Variants in CCR4 observed in about 807,000 individuals in gnomAD.
The protein encoded by CCR4 is C-C chemokine receptor type 4.
Under a neutral mutation model 17.1 loss-of-function variants are expected in CCR4, and 9 were observed. That is an observed-to-expected ratio of 0.53 (90% CI 0.32 to 0.92). The LOEUF is 0.92. Ranked by LOEUF, CCR4 falls within the 40% of genes least tolerant of loss-of-function variation. The probability of loss-of-function intolerance (pLI) is 0.04; values close to 1 mark genes in which losing one functional copy is unlikely to be tolerated. For synonymous variants in CCR4, 217 were observed against 174.3 expected (o/e 1.24, Z -1.93); for missense variants, 385 against 433.9 (o/e 0.89, Z 1.00).
At chr3:32,952,910 T>C (rs1447939329) in intron 1 of CCR4, among the ~76,000 whole-genome samples, 2 of 152,196 alleles carry the variant, frequency 1.3e-5, no homozygotes, top group African/African-American at 2.4e-5. Flanking sequence ...CCCACTCTAA[T>C]AGGATTCTGT....
In CCR4 at chr3:32,953,918, G is replaced by C; in HGVS notation, c.496G>C (p.Val166Leu). 2 of 1,614,098 alleles carry C rather than the reference G, an allele frequency of 1.2e-6. No homozygotes were observed. The highest frequency in any genetic ancestry group is 1.7e-6 in the Non-Finnish European group (2 of 1,180,028). The change falls in exon 2 of 2, where the codon GTG becomes CTG. Residue 166 changes from valine to leucine, a missense_variant. Physicochemically the swap from Val to Leu is conservative, Grantham distance 32. Coordinates refer to ENST00000330953, the MANE Select transcript of CCR4 (RefSeq NM_005508.5). ...CAGTTTGGCTACATGGTCAGTGGCT[G>C]TGTTCGCCTCCCTTCCTGGCTTTCT... ...ITSLATWSVA[V>L]FASLPGFLFS...
In CCR4 at chr3:32,954,691, G is replaced by T. The variant is rs139563771; in HGVS notation, c.*186G>T. On this transcript the variant is annotated 3_prime_UTR_variant, in exon 2 of 2. Transcript: ENST00000330953. Reference sequence around the variant, plus strand: ...ACTAGACAAGTCCAGCCTGGCAAGGGTTCACCTGGGCTGAGGCATCCTTCC... The same window carrying T: ...ACTAGACAAGTCCAGCCTGGCAAGGTTTCACCTGGGCTGAGGCATCCTTCC... The T allele has an allele frequency of 6.8e-6, 4 of 591,528 alleles. No individual in the cohort carries two copies. In the East Asian group the frequency reaches 1.2e-4, roughly 18 times the overall value. The allele number at this position is 591,528 out of a possible 1,614,324, so 36.6% of individuals were successfully genotyped here. A position where few individuals can be genotyped will look rare whatever the true frequency, so the allele number is the denominator to read the frequency against.
chr3:32,954,490 C>A lies in CCR4; in HGVS notation c.1068C>A (p.Leu356=). The change falls in exon 2 of 2, where the codon CTC becomes CTA. Residue 356 remains leucine, a synonymous_variant. Coordinates refer to ENST00000330953, the MANE Select transcript of CCR4 (RefSeq NM_005508.5). ...SYTQSTMDHD[L]HDAL ...CGCAGTCCACCATGGATCATGATCT[C>A]CATGATGCTCTGTAGAAAAATGAAA... 1 of 1,526,828 alleles carries A rather than the reference C, an allele frequency of 6.5e-7. No individual in the cohort carries two copies. The highest frequency in any genetic ancestry group is 8.8e-7 in the Non-Finnish European group (1 of 1,141,090). The allele number at this position is 1,526,828 out of a possible 1,614,324, so 94.6% of individuals were successfully genotyped here.
intron 1 of CCR4, 75 bp downstream of exon 1, chr3:32,951,765 C>A (rs1024544192): frequency 1.3e-5 from 2 of 152,512 alleles, no homozygotes; most frequent in African/African-American, 2.4e-5. Context: ...ATGCTCAGGC[C>A]CCTCACGAGT....
chr3:32,955,916 T>A lies in CCR4; in HGVS notation c.*1411T>A, dbSNP rs1695717970. 1 of 151,700 alleles carries A rather than the reference T, an allele frequency of 6.6e-6. No homozygotes were observed. The highest frequency in any genetic ancestry group is 1.5e-5 in the Non-Finnish European group (1 of 67,930). The allele number at this position is 151,700 out of a possible 1,614,324, so 9.4% of individuals were successfully genotyped here. A position where few individuals can be genotyped will look rare whatever the true frequency, so the allele number is the denominator to read the frequency against. On this transcript the variant is annotated 3_prime_UTR_variant, in exon 2 of 2. Coordinates refer to ENST00000330953, the MANE Select transcript of CCR4 (RefSeq NM_005508.5). The stretch of plus-strand genomic sequence containing the variant: ...GAGCCATCACGCCCGGCCACTTGTT[T>A]ATTTTTTATTTTATTTTATTTTATT...
rs761144809 is a variant in CCR4, at chr3:32,954,167, G to A, written c.745G>A (p.Val249Ile). Residue 249 changes from valine to isoleucine, a missense_variant, in exon 2 of 2, where the codon GTC (valine) becomes ATC (isoleucine). By Grantham distance (29) the Val-to-Ile change is conservative (BLOSUM62 3). Coordinates refer to ENST00000330953, the MANE Select transcript of CCR4 (RefSeq NM_005508.5). ...KAVKMIFAVV[V>I]LFLGFWTPYN... Reference sequence around the variant, plus strand: ...GGTGAAGATGATCTTTGCCGTGGTGGTCCTCTTCCTTGGGTTCTGGACACC... The same window carrying A: ...GGTGAAGATGATCTTTGCCGTGGTGATCCTCTTCCTTGGGTTCTGGACACC... 38 of 1,613,950 alleles carry A rather than the reference G, an allele frequency of 2.4e-5. No individual in the cohort carries two copies. Among genetic ancestry groups the A allele is most frequent in the Non-Finnish European group, 2.9e-5 (34 of 1,180,016 alleles).
chr3:32,953,242 C>T (rs761658166), intron 1 of CCR4, 130 bp from the exon 2 acceptor site: 7 of 613,328 alleles, frequency 1.1e-5, no homozygotes, highest in Admixed American at 3.5e-5. Flanking sequence ...TGTGAGTAAT[C>T]GAGCCCTTCA....
intron 1 of CCR4, among the ~76,000 whole-genome samples, chr3:32,952,728 C>T (rs1455375227): frequency 1.3e-5 from 2 of 152,182 alleles, no homozygotes; most frequent in East Asian, 1.9e-4. Context: ...GGCCTTGAGT[C>T]GGAAAGCCCT....
At position 32,953,877 on chromosome 3, in the gene CCR4, C is replaced by G. The variant is rs756761856; in HGVS notation, c.455C>G (p.Thr152Ser). 18 of 1,613,978 alleles carry G rather than the reference C, an allele frequency of 1.1e-5. No individual in the cohort carries two copies. In the East Asian group the frequency reaches 1.6e-4, roughly 14 times the overall value. ...AVFSLRARTL[T>S]YGVITSLATW... ...TTTTCCTTGAGGGCAAGGACCTTGA[C>G]TTATGGGGTCATCACCAGTTTGGCT... Residue 152 changes from threonine (T) to serine (S), a missense_variant, in exon 2 of 2, where the codon ACT becomes AGT. By Grantham distance (58) the Thr-to-Ser change is moderately conservative. Coordinates refer to ENST00000330953, the MANE Select transcript of CCR4 (RefSeq NM_005508.5).
At chr3:32,952,669 C>T (rs899638411) in intron 1 of CCR4, among the ~76,000 whole-genome samples, 4 of 152,144 alleles carry the variant, frequency 2.6e-5, no homozygotes, top group African/African-American at 4.8e-5. Flanking sequence ...AGGATTTTAA[C>T]AAGGAATGTG....
In CCR4 at chr3:32,954,019, G is replaced by A. The variant is rs776485605; in HGVS notation, c.597G>A (p.Lys199=). 2.0e-5 allele frequency: 33 copies of A among 1,614,052 alleles called. No individual in the cohort carries two copies. The highest frequency in any genetic ancestry group is 2.6e-5 in the Non-Finnish European group (31 of 1,180,052). ...ACTCTCTCAACTCCACGACGTGGAA[G>A]GTTCTCAGCTCCCTGGAAATCAACA... The part of the protein sequence containing the change: ...TKYSLNSTTW[K]VLSSLEINIL... The change falls in exon 2 of 2, where the codon AAG becomes AAA. Residue 199 remains lysine, a synonymous_variant. Transcript: ENST00000330953.
Position 32,953,361 on chromosome 3 carries a change from C to T in CCR4, c.-51-11C>T. 1 of 1,516,580 alleles carries T rather than the reference C, an allele frequency of 6.6e-7. No individual in the cohort carries two copies. Among genetic ancestry groups the T allele is most frequent in the East Asian group, 2.3e-5 (1 of 44,332 alleles). 93.9% of individuals were successfully genotyped at this position (1,516,580 alleles called of 1,614,324 possible). A position where few individuals can be genotyped will look rare whatever the true frequency, so the allele number is the denominator to read the frequency against. On this transcript the variant is annotated splice_polypyrimidine_tract_variant and intron_variant, in intron 1 of 1. Transcript: ENST00000330953. ...TCTCACAGAAATCTCCTTTGCTCTT[C>T]CCCTCATTAGCTGCTTCTGGTTGGG... is the stretch of plus-strand genomic sequence containing the variant.
chr3:32,954,756 A>C lies in CCR4; in HGVS notation c.*251A>C. ...CCTGCAGGCATGAGTCAGTCTGATG[A>C]GAACTCTGAGCAGTGCTTGAATGAA... On this transcript the variant is annotated 3_prime_UTR_variant, in exon 2 of 2. Transcript: ENST00000330953. The C allele has an allele frequency of 2.2e-6, 1 of 450,844 alleles. No individual in the cohort carries two copies. The highest frequency in any genetic ancestry group is 4.0e-6 in the Non-Finnish European group (1 of 248,278). 27.9% of individuals were successfully genotyped at this position (450,844 alleles called of 1,614,324 possible).
In CCR4 at chr3:32,954,044, A is replaced by G. The variant is rs1393391397; in HGVS notation, c.622A>G (p.Ile208Val). ...GGTTCTCAGCTCCCTGGAAATCAACATTCTCGGATTGGTGATCCCCTTAGG... is the reference window on the plus strand; with the variant it reads ...GGTTCTCAGCTCCCTGGAAATCAACGTTCTCGGATTGGTGATCCCCTTAGG... The part of the protein sequence containing the change: ...WKVLSSLEIN[I>V]LGLVIPLGIM... The change falls in exon 2 of 2, where the codon ATT (isoleucine) becomes GTT (valine). Residue 208 changes from isoleucine (I) to valine (V), a missense_variant. Coordinates refer to ENST00000330953, the MANE Select transcript of CCR4 (RefSeq NM_005508.5). The G allele has an allele frequency of 2.5e-6, 4 of 1,614,030 alleles. No homozygotes were observed. The highest frequency in any genetic ancestry group is 1.7e-5 in the Admixed American group (1 of 59,998).
Position 32,954,821 on chromosome 3 carries a change from A to T in CCR4, c.*316A>T, listed in dbSNP as rs1695684025. The T allele has an allele frequency of 7.9e-6, 2 of 253,762 alleles. No individual in the cohort carries two copies. The highest frequency in any genetic ancestry group is 2.5e-4 in the South Asian group (2 of 7,976). 15.7% of individuals were successfully genotyped at this position (253,762 alleles called of 1,614,324 possible). ...TGCAAGGCAAAGACTATTCCCTTCT[A>T]ACCTGAACTGATGGGTTTCTCCAGA... is the stretch of plus-strand genomic sequence containing the variant. On this transcript the variant is annotated 3_prime_UTR_variant, in exon 2 of 2. Coordinates refer to ENST00000330953, the MANE Select transcript of CCR4 (RefSeq NM_005508.5).
In CCR4 at chr3:32,954,013, G is replaced by C; in HGVS notation, c.591G>C (p.Thr197=). ...CKTKYSLNST[T]WKVLSSLEIN... is the part of the protein sequence containing the mutation. Reference sequence around the variant, plus strand: ...CCAAGTACTCTCTCAACTCCACGACGTGGAAGGTTCTCAGCTCCCTGGAAA... The same window carrying C: ...CCAAGTACTCTCTCAACTCCACGACCTGGAAGGTTCTCAGCTCCCTGGAAA... The change falls in exon 2 of 2, where the codon ACG becomes ACC. Residue 197 remains threonine, a synonymous_variant. Coordinates refer to ENST00000330953, the MANE Select transcript of CCR4 (RefSeq NM_005508.5). The C allele has an allele frequency of 6.2e-7, 1 of 1,614,110 alleles. No homozygotes were observed. The highest frequency in any genetic ancestry group is 8.5e-7 in the Non-Finnish European group (1 of 1,180,038).
At chr3:32,952,944 A>AC (rs1697693215) in intron 1 of CCR4, among the ~76,000 whole-genome samples, 1 of 152,184 alleles carries the variant, frequency 6.6e-6, no homozygotes, top group African/African-American at 2.4e-5. Context: ...TTTTACGTGC[A>AC]GTTTGATGAT....
In CCR4 at chr3:32,954,169, C is replaced by T; in HGVS notation, c.747C>T (p.Val249=). 1 of 1,614,074 alleles carries T rather than the reference C, an allele frequency of 6.2e-7. No individual in the cohort carries two copies. The highest frequency in any genetic ancestry group is 8.5e-7 in the Non-Finnish European group (1 of 1,180,020). ...TGAAGATGATCTTTGCCGTGGTGGT[C>T]CTCTTCCTTGGGTTCTGGACACCTT... is the stretch of plus-strand genomic sequence containing the variant. ...KAVKMIFAVV[V]LFLGFWTPYN... The change falls in exon 2 of 2, where the codon GTC becomes GTT. Residue 249 remains valine (V), a synonymous_variant. Transcript: ENST00000330953.
rs1337778755 is a variant in CCR4 at position 32,955,207 on chromosome 3, T to G, written c.*702T>G. The G allele has an allele frequency of 6.0e-6, 1 of 167,088 alleles. No individual in the cohort carries two copies. The highest frequency in any genetic ancestry group is 1.5e-5 in the Non-Finnish European group (1 of 68,104). 10.4% of individuals were successfully genotyped at this position (167,088 alleles called of 1,614,324 possible). A position where few individuals can be genotyped will look rare whatever the true frequency, so the allele number is the denominator to read the frequency against. ...ATTCAAACACAGTTTCTCACTTGTTTGTGGACATGTTTTGTTCTAATTTTA... is the reference window on the plus strand; with the variant it reads ...ATTCAAACACAGTTTCTCACTTGTTGGTGGACATGTTTTGTTCTAATTTTA... On this transcript the variant is annotated 3_prime_UTR_variant, in exon 2 of 2. Transcript: ENST00000330953.
Sources: allele counts gnomAD v4.1 joint callset (sites outside exome capture counted in the v4.1 genomes callset), GRCh38; gene constraint gnomAD v4.1.1; transcripts MANE v1.5; gene names NCBI Gene and HGNC (gene_info 2026-07-23, HGNC 2026-07-21).